Variants in SEC31A observed in about 807,000 individuals in gnomAD.
SEC31A encodes SEC31 homolog A, COPII component, also known as protein transport protein Sec31A.
SEC31A carries 70 observed loss-of-function variants against 151.0 expected under a neutral mutation model. The observed-to-expected ratio is 0.46, with a 90% confidence interval of 0.38 to 0.57. The LOEUF (loss-of-function observed/expected upper bound fraction) is 0.57, where lower values mean the gene tolerates loss of function less well. Among genes scored for constraint, SEC31A ranks in the 20% least tolerant of loss-of-function variants. SEC31A has a pLI of 0.00. For missense variants in SEC31A, 1,330 were observed against 1,471.2 expected, an observed-to-expected ratio of 0.90 and a Z score of 1.57; for synonymous variants, 475 against 505.9, an observed-to-expected ratio of 0.94 and a Z score of 0.82.
intron 6 of SEC31A, among the ~76,000 whole-genome samples, chr4:82,873,140 C>G (rs1737127025): frequency 6.6e-6 from 1 of 152,150 alleles, no homozygotes; most frequent in African/African-American, 2.4e-5. Context: ...GCGGGTGGAT[C>G]ATGAGGTCAG....
At chr4:82,859,913 T>C (rs1733693167) in intron 14 of SEC31A, among the ~76,000 whole-genome samples, 2 of 151,782 alleles carry the variant, frequency 1.3e-5, no homozygotes, top group African/African-American at 4.8e-5. Context: ...TGCCTCAGCC[T>C]CCCAAGTAGC....
At chr4:82,834,149 G>C (rs796133308) in intron 22 of SEC31A, among the ~76,000 whole-genome samples, 1 of 152,142 alleles carries the variant, frequency 6.6e-6, no homozygotes, top group Admixed American at 6.5e-5. Flanking sequence ...ATAAATGCCC[G>C]GTGAGTCACT....
At chr4:82,884,702 C>A (rs1173490894) in intron 1 of SEC31A, among the ~76,000 whole-genome samples, 1 of 152,118 alleles carries the variant, frequency 6.6e-6, no homozygotes, top group African/African-American at 2.4e-5. Context: ...ATCCCCTATG[C>A]CTATAATTCC....
chr4:82,824,024 T>G (rs1250682097), intron 25 of SEC31A, among the ~76,000 whole-genome samples: 1 of 152,210 alleles, frequency 6.6e-6, no homozygotes, highest in Non-Finnish European at 1.5e-5. Flanking sequence ...CAAATCTATC[T>G]GCCATAGGTT....
At chr4:82,896,320 T>G (rs1720055457) in intron 3 of SEC31A, among the ~76,000 whole-genome samples, 1 of 152,126 alleles carries the variant, frequency 6.6e-6, no homozygotes, top group Non-Finnish European at 1.5e-5. Context: ...TGGGTTCAAG[T>G]GGTTCTCCTG....
chr4:82,861,973 G>A (rs1460777424), intron 13 of SEC31A: 40 of 244,960 alleles, frequency 1.6e-4, no homozygotes, highest in Non-Finnish European at 6.0e-5. Flanking sequence ...GAGTTCAGTG[G>A]CACGATCCCG....
At chr4:82,878,457 G>A (rs1340205764) in intron 4 of SEC31A, among the ~76,000 whole-genome samples, 1 of 152,100 alleles carries the variant, frequency 6.6e-6, no homozygotes, top group Admixed American at 6.5e-5. Flanking sequence ...TCATGCCACT[G>A]CACTCCAGCC....
intron 11 of SEC31A, 128 bp from the exon 12 acceptor site, chr4:82,863,520 T>A: frequency 3.6e-6 from 2 of 554,322 alleles, no homozygotes; most frequent in Non-Finnish European, 6.0e-6. Context: ...AGATTCACTG[T>A]TTGAAGGAAT....
intron 1 of SEC31A, among the ~76,000 whole-genome samples, chr4:82,883,663 T>C (rs549836004): frequency 6.6e-6 from 1 of 151,950 alleles, no homozygotes; most frequent in Non-Finnish European, 1.5e-5. Context: ...ATCCCATCTC[T>C]AGAAAAAATA....
At chr4:82,830,937 CT>C in intron 22 of SEC31A, 1 of 1,211,606 alleles carries the variant, frequency 8.3e-7, no homozygotes, top group Non-Finnish European at 1.1e-6. Flanking sequence ...ACCAATTCAC[CT>C]TCCAACATAG....
At chr4:82,823,701 T>C (rs1723919806) in intron 25 of SEC31A, among the ~76,000 whole-genome samples, 1 of 152,254 alleles carries the variant, frequency 6.6e-6, no homozygotes, top group South Asian at 2.1e-4. Context: ...TTGCTTTAAA[T>C]GTAAATATGC....
At chr4:82,888,063 A>AAACAAACG (rs1741167426) in intron 1 of SEC31A, among the ~76,000 whole-genome samples, 1 of 143,652 alleles carries the variant, frequency 7.0e-6, no homozygotes, top group Non-Finnish European at 1.5e-5. Context: ...ACAAACAAAC[A>AAACAAACG]AACAAACAAC....
At chr4:82,865,569 T>C (rs895429351) in intron 10 of SEC31A, among the ~76,000 whole-genome samples, 2 of 28,250 alleles carry the variant, frequency 7.1e-5, no homozygotes, top group African/African-American at 1.3e-4. Flanking sequence ...TATATATATA[T>C]ATATATATAT....
chr4:82,833,321 C>T (rs1165728250), intron 22 of SEC31A, among the ~76,000 whole-genome samples: 1 of 152,042 alleles, frequency 6.6e-6, no homozygotes, highest in Non-Finnish European at 1.5e-5. Context: ...AACCAAACAC[C>T]ACATGTTCTC....
intron 7 of SEC31A, among the ~76,000 whole-genome samples, chr4:82,870,629 T>C (rs1275551771): frequency 6.6e-6 from 1 of 151,800 alleles, no homozygotes; most frequent in Non-Finnish European, 1.5e-5. Flanking sequence ...ACCTGGGAGG[T>C]GGAGGCTGCA....
In SEC31A at chr4:82,873,370, C is replaced by A. The variant is rs545831923; in HGVS notation, c.639+1241G>T. On this transcript the variant is annotated intron_variant, in intron 6 of 26. Transcript: ENST00000395310. Reference sequence around the variant, plus strand: ...GAGTCCCTCTCAAAAAAAAAAAAACCCTTAAAAAAATTAACACACACACAA... The same window carrying A: ...GAGTCCCTCTCAAAAAAAAAAAAACACTTAAAAAAATTAACACACACACAA... Among the ~76,000 whole-genome samples, 3 of 149,346 alleles carry A rather than the reference C, an allele frequency of 2.0e-5. No individual in the cohort carries two copies. In the East Asian group the frequency reaches 5.9e-4, roughly 29 times the overall value.
chr4:82,820,068 G>A (rs1350789840), intron 26 of SEC31A, among the ~76,000 whole-genome samples: 2 of 150,156 alleles, frequency 1.3e-5, no homozygotes, highest in Non-Finnish European at 3.0e-5. Context: ...GGCCTATTTT[G>A]ATCTCATTTT....
intron 18 of SEC31A, among the ~76,000 whole-genome samples, 168 bp downstream of exon 18, chr4:82,853,402 A>G (rs1438357052): frequency 1.3e-5 from 2 of 152,232 alleles, no homozygotes; most frequent in Middle Eastern, 3.2e-3. Context: ...TTCCTATCCT[A>G]TCATCTCAAA....
rs545272214 is a variant in SEC31A at position 82,888,077 on chromosome 4, A to C, written c.-5+3011T>G. Among the ~76,000 whole-genome samples, 39 of 148,338 alleles carry C rather than the reference A, an allele frequency of 2.6e-4. No homozygotes were observed. In the South Asian group the frequency reaches 8.3e-3, roughly 32 times the overall value. On this transcript the variant is annotated intron_variant, in intron 1 of 26. Transcript: ENST00000395310. ...AACAAACAAACAAACAAACAACAAC[A>C]AAAAAAACATCTATTAGCCAGGCGC...
Sources: gnomAD v4.1 joint callset for allele counts (sites outside exome capture counted in the v4.1 genomes callset) on GRCh38, gnomAD v4.1.1 for gene constraint, MANE v1.5 for transcripts, NCBI Gene and HGNC (gene_info 2026-07-23, HGNC 2026-07-21) for gene names.